MINK1: variants seen among roughly 807,000 people sequenced by gnomAD.
MINK1 encodes misshapen-like kinase 1.
Under a neutral mutation model 178.4 loss-of-function variants are expected in MINK1, and 46 were observed. That is an observed-to-expected ratio of 0.26 (90% confidence interval 0.20 to 0.33). The LOEUF (loss-of-function observed/expected upper bound fraction) is 0.33, where lower values mean the gene tolerates loss of function less well. Ranked by LOEUF, MINK1 falls within the 10% of genes least tolerant of loss-of-function variation. MINK1 has a pLI of 1.00. For synonymous variants in MINK1, 797 were observed against 709.7 expected (o/e 1.12, Z -1.96); for missense variants, 1,366 against 1,814.9 (o/e 0.75, Z 4.49).
chr17:4,847,204 G>A (rs1389682493), intron 1 of MINK1: 1 of 479,642 alleles, frequency 2.1e-6, no homozygotes, highest in South Asian at 1.5e-5. Context: ...GAGGAGCCGG[G>A]TGACCTGGTT....
chr17:4,844,632 C>G (rs756372969), intron 1 of MINK1: 4 of 479,424 alleles, frequency 8.3e-6, no homozygotes, highest in South Asian at 6.1e-5. Context: ...GAATACAGAG[C>G]TCCACGGGGC....
At chr17:4,843,619 G>T (rs975863599) in intron 1 of MINK1, among the ~76,000 whole-genome samples, 1 of 152,154 alleles carries the variant, frequency 6.6e-6, no homozygotes, top group Non-Finnish European at 1.5e-5. Flanking sequence ...ATTTCAGAAG[G>T]GGGTGTTTGG....
At position 4,887,066 on chromosome 17, in the gene MINK1, T is replaced by C; in HGVS notation, c.950-44T>C. Reference sequence around the variant, plus strand: ...CAAGGTTTCCCTAGCCCACGGCGGGTCTGGGGCGCTGGGTGAGATAACTGC... The same window carrying C: ...CAAGGTTTCCCTAGCCCACGGCGGGCCTGGGGCGCTGGGTGAGATAACTGC... On this transcript the variant is annotated intron_variant, in intron 10 of 31. Coordinates refer to ENST00000355280, the MANE Select transcript of MINK1 (RefSeq NM_153827.5). This position sits in a 1 kb window ranked among gnomAD's most constrained non-coding sequence, Gnocchi z 7.6. 6.5e-7 allele frequency: 1 copy of C among 1,539,804 alleles called. No homozygotes were observed. Among genetic ancestry groups the C allele is most frequent in the South Asian group, 1.2e-5 (1 of 83,756 alleles).
At position 4,891,117 on chromosome 17, in the gene MINK1, C is replaced by A. The variant is rs923512603; in HGVS notation, c.1733C>A (p.Pro578Gln). Residue 578 changes from proline to glutamine, a missense_variant, in exon 15 of 32, where the codon CCG (proline) becomes CAG (glutamine). Physicochemically the swap from Pro to Gln is moderately conservative, Grantham distance 76. Transcript: ENST00000355280. ...MQRPVEPQEG[P>Q]HKSLVAHRVP... ...AGGCCGGTGGAGCCCCAGGAGGGACCGCACAAGGTGAGTCTCTCCCCACCC... is the reference window on the plus strand; with the variant it reads ...AGGCCGGTGGAGCCCCAGGAGGGACAGCACAAGGTGAGTCTCTCCCCACCC... The A allele has an allele frequency of 5.9e-6, 9 of 1,530,140 alleles. No individual in the cohort carries two copies. Among genetic ancestry groups the A allele is most frequent in the Non-Finnish European group, 7.9e-6 (9 of 1,138,674 alleles). 94.8% of individuals were successfully genotyped at this position (1,530,140 alleles called of 1,614,324 possible).
chr17:4,869,511 A>G (rs1915575079), intron 1 of MINK1, among the ~76,000 whole-genome samples: 1 of 150,142 alleles, frequency 6.7e-6, no homozygotes, highest in African/African-American at 2.4e-5. Context: ...TCCTGGGCTC[A>G]AGTGATCCTC....
intron 1 of MINK1, chr17:4,847,187 A>G (rs375619111): frequency 5.0e-5 from 24 of 484,652 alleles, no homozygotes; most frequent in South Asian, 2.6e-4. Flanking sequence ...TGGAGTGAAC[A>G]TGGCATGAGG....
chr17:4,839,677 T>C (rs1356235506), intron 1 of MINK1, among the ~76,000 whole-genome samples: 1 of 152,068 alleles, frequency 6.6e-6, no homozygotes, highest in Non-Finnish European at 1.5e-5. Context: ...TAGGGGGTAA[T>C]GGAAAAAGGG....
At chr17:4,835,137 G>A (rs915742238) in intron 1 of MINK1, among the ~76,000 whole-genome samples, 3 of 152,144 alleles carry the variant, frequency 2.0e-5, no homozygotes, top group African/African-American at 7.2e-5. Flanking sequence ...GCTTTAGGAG[G>A]GAGATTCTTA....
intron 1 of MINK1, among the ~76,000 whole-genome samples, chr17:4,866,840 G>A (rs986070731): frequency 1.3e-5 from 2 of 151,718 alleles, no homozygotes; most frequent in Non-Finnish European, 2.9e-5. Context: ...TCGGGAGGCC[G>A]AGGCAGGCGG....
In MINK1 at chr17:4,890,616, CAACAGCAGCAGCAGCTTCAGA is replaced by C. The variant is rs1411603288; in HGVS notation, c.1463_1483del (p.Leu488_Gln494del). The C allele has an allele frequency of 3.2e-6, 5 of 1,559,250 alleles. No homozygotes were observed. The highest frequency in any genetic ancestry group is 1.7e-4 in the Middle Eastern group (1 of 6,008). ...CTACCTCAAGTCCCTGCAGCAGCAG[CAACAGCAGCAGCAGCTTCAGA>C]AACAGCAGCAGCAGCAGCTCCTGCC... On this transcript the variant is annotated inframe_deletion, in exon 14 of 32. Transcript: ENST00000355280.
At chr17:4,892,341 C>T in intron 17 of MINK1, 61 bp from the exon 18 acceptor site, 2 of 1,466,786 alleles carry the variant, frequency 1.4e-6, no homozygotes, top group South Asian at 2.5e-5. Context: ...GGGAAAGCCC[C>T]AGCCCCATCA....
chr17:4,872,246 C>G (rs759736935), intron 1 of MINK1, among the ~76,000 whole-genome samples: 60 of 151,720 alleles, frequency 4.0e-4, no homozygotes, highest in Non-Finnish European at 3.7e-4. Flanking sequence ...AAGAGAATCA[C>G]TTGAACCCAG....
At chr17:4,888,851 C>T (rs1968481848) in intron 12 of MINK1, among the ~76,000 whole-genome samples, 1 of 151,918 alleles carries the variant, frequency 6.6e-6, no homozygotes, top group African/African-American at 2.4e-5. Context: ...GAATGCGCCA[C>T]CACGCCCGGC....
chr17:4,878,413 C>G, intron 2 of MINK1, 31 bp downstream of exon 2: 1 of 1,528,152 alleles, frequency 6.5e-7, no homozygotes, highest in Non-Finnish European at 8.8e-7. Flanking sequence ...GTATGACCTC[C>G]ACATCTGCAG....
At chr17:4,878,268 A>G (rs1967373447) in intron 1 of MINK1, 49 bp from the exon 2 acceptor site, 1 of 1,503,632 alleles carries the variant, frequency 6.7e-7, no homozygotes, top group African/African-American at 1.4e-5. Context: ...TAGCTCTGTA[A>G]TCCTTTTCTA....
In MINK1 at chr17:4,893,536, G is replaced by A. The variant is rs1969094358; in HGVS notation, c.2503G>A (p.Asp835Asn). 3 of 1,595,568 alleles carry A rather than the reference G, an allele frequency of 1.9e-6. No individual in the cohort carries two copies. The highest frequency in any genetic ancestry group is 2.6e-6 in the Non-Finnish European group (3 of 1,166,490). ...SSSEEVESSE[D>N]DEEEGEGGPA... ...CAGCGAGGAGGTGGAAAGCAGTGAG[G>A]ACGACGAGGAGGAAGGCGAAGGCGG... The change falls in exon 21 of 32, where the codon GAC (aspartate) becomes AAC (asparagine). Residue 835 changes from aspartate (D) to asparagine (N), a missense_variant. Around this residue, in one of 14 missense-constraint regions of MINK1, gnomAD observed 709 missense variants for 692.3 expected, o/e 1.02. Coordinates refer to ENST00000355280, the MANE Select transcript of MINK1 (RefSeq NM_153827.5).
chr17:4,894,945 C>T lies in MINK1; in HGVS notation c.2918-130C>T. 9.8e-7 allele frequency: 1 copy of T among 1,021,290 alleles called. No individual in the cohort carries two copies. The highest frequency in any genetic ancestry group is 1.4e-6 in the Non-Finnish European group (1 of 701,068). 63.3% of individuals were successfully genotyped at this position (1,021,290 alleles called of 1,614,324 possible). Reference sequence around the variant, plus strand: ...CTCTATCCCCCTCTCCCATGCACCTCCTCTCCTCCTGTCTTTCTCCTCCTT... The same window carrying T: ...CTCTATCCCCCTCTCCCATGCACCTTCTCTCCTCCTGTCTTTCTCCTCCTT... On this transcript the variant is annotated intron_variant, in intron 24 of 31. Transcript: ENST00000355280. The surrounding 1 kb of genome is among the most constrained non-coding windows in gnomAD (Gnocchi z 4.1).
chr17:4,893,310 G>A, intron 20 of MINK1, 124 bp from the exon 21 acceptor site: 1 of 1,613,946 alleles, frequency 6.2e-7, no homozygotes, highest in Non-Finnish European at 8.5e-7. Context: ...AATTGGTGAG[G>A]TTAGTGAGAT....
At position 4,845,409 on chromosome 17, in the gene MINK1, G is replaced by C. The variant is rs944318249; in HGVS notation, c.57+11769G>C. ...GCCTCTTACTTCATCTCATCCTGGG[G>C]GTCTGATGGGTAGGTGCTAGAGGAA... is the stretch of plus-strand genomic sequence containing the variant. On this transcript the variant is annotated intron_variant, in intron 1 of 31. Transcript: ENST00000355280. Among the ~76,000 whole-genome samples the C allele has an allele frequency of 5.9e-5, 9 of 152,178 alleles. No homozygotes were observed. In the East Asian group the frequency reaches 1.7e-3, roughly 29 times the overall value.
Sources: allele counts gnomAD v4.1 joint callset (sites outside exome capture counted in the v4.1 genomes callset), GRCh38; gene constraint gnomAD v4.1.1; regional missense constraint gnomAD v4.1.1; non-coding constraint Gnocchi (gnomAD v3.1); transcripts MANE v1.5; gene names NCBI Gene and HGNC (gene_info 2026-07-23, HGNC 2026-07-21).